The following PSD3 variants were observed in gnomAD, a reference collection of about 807,000 sequenced individuals.
PSD3 encodes PH and SEC7 domain-containing protein 3.
A neutral mutation model predicts 105.5 loss-of-function variants in PSD3; 49 were observed. That is an observed-to-expected ratio of 0.46 (90% confidence interval 0.37 to 0.59). PSD3 has a LOEUF of 0.59. PSD3 is among the 20% of genes least tolerant of loss of function. The pLI is 0.00. For missense variants in PSD3, 1,561 were observed against 1,263.8 expected (o/e 1.24, Z -3.57); for synonymous variants, 557 against 457.8 (o/e 1.22, Z -2.77).
Position 18,848,888 on chromosome 8 carries a change from G to GT in PSD3, c.1634+18785dup, listed in dbSNP as rs560475262. ...CTACATTTCAAGCGGATACTTCTTG[G>GT]TTCCCTCATGTTTAAGCTTTTAAGA... On this transcript the variant is annotated intron_variant, in intron 4 of 15. Coordinates refer to ENST00000327040, the MANE Select transcript of PSD3 (RefSeq NM_015310.4). Among the ~76,000 whole-genome samples, 140 of 152,282 alleles carry GT rather than the reference G, an allele frequency of 9.2e-4. 1 individual carries two copies. Among genetic ancestry groups the GT allele is most frequent in the African/African-American group, 3.2e-3 (132 of 41,572 alleles).
At chr8:18,592,353 G>T (rs992656529) in intron 12 of PSD3, among the ~76,000 whole-genome samples, 1 of 152,008 alleles carries the variant, frequency 6.6e-6, no homozygotes, top group African/African-American at 2.4e-5. Context: ...AAATAAGAAT[G>T]AAAAAGAGTT....
intron 9 of PSD3, among the ~76,000 whole-genome samples, chr8:18,682,110 G>A (rs1162131709): frequency 6.6e-6 from 1 of 151,984 alleles, no homozygotes; most frequent in African/African-American, 2.4e-5. Context: ...ATCTTTTCAT[G>A]TGGTATCTAT....
At chr8:18,813,372 T>A (rs1244241673) in intron 4 of PSD3, among the ~76,000 whole-genome samples, 1 of 152,148 alleles carries the variant, frequency 6.6e-6, no homozygotes, top group Non-Finnish European at 1.5e-5. Context: ...GGCAGAGCTG[T>A]CTGGTAGCAA....
chr8:19,079,106 C>G (rs1829558890), intron 1 of PSD3, among the ~76,000 whole-genome samples: 4 of 152,078 alleles, frequency 2.6e-5, no homozygotes, highest in East Asian at 3.9e-4. Context: ...CCACAGGACT[C>G]CTGTGTGTGA....
At chr8:19,075,697 C>G (rs1829444172) in intron 1 of PSD3, among the ~76,000 whole-genome samples, 1 of 152,158 alleles carries the variant, frequency 6.6e-6, no homozygotes, top group Non-Finnish European at 1.5e-5. Context: ...AGTAATTACC[C>G]CATTGTAGGC....
At chr8:19,042,132 T>C (rs1046548143) in intron 1 of PSD3, among the ~76,000 whole-genome samples, 2 of 152,178 alleles carry the variant, frequency 1.3e-5, no homozygotes, top group Admixed American at 6.5e-5. Flanking sequence ...TGAATGAACA[T>C]GTGGCTTTTA....
At chr8:19,017,894 TTA>T (rs1414324753), upstream of PSD3, among the ~76,000 whole-genome samples, 1 of 152,254 alleles carries the variant, frequency 6.6e-6, no homozygotes, top group Admixed American at 6.5e-5. Context: ...CATGTAGCTG[TTA>T]TGTTTCCATT....
intron 9 of PSD3, among the ~76,000 whole-genome samples, chr8:18,656,370 T>TTC (rs397739858): frequency 1.3e-5 from 2 of 151,682 alleles, no homozygotes; most frequent in African/African-American, 2.4e-5. Context: ...TTTTTTTTTT[T>TTC]CGTTAATGAA....
intron 2 of PSD3, among the ~76,000 whole-genome samples, chr8:18,932,733 A>G (rs1369189419): frequency 6.6e-6 from 1 of 152,200 alleles, no homozygotes; most frequent in Non-Finnish European, 1.5e-5. Context: ...CCTTTTCTAA[A>G]TGGTAATCTT....
intron 1 of PSD3, among the ~76,000 whole-genome samples, chr8:18,998,900 AC>A (rs1826224899): frequency 6.6e-6 from 1 of 151,908 alleles, no homozygotes; most frequent in Non-Finnish European, 1.5e-5. Flanking sequence ...ACAGAAAAAA[AC>A]GTTTTTGTTA....
At chr8:18,862,171 T>A (rs1816502741) in intron 4 of PSD3, among the ~76,000 whole-genome samples, 1 of 152,162 alleles carries the variant, frequency 6.6e-6, no homozygotes, top group South Asian at 2.1e-4. Flanking sequence ...TTTTGTTCCA[T>A]CTGATTAATC....
intron 1 of PSD3, among the ~76,000 whole-genome samples, chr8:19,018,917 C>A (rs1586634659): frequency 6.6e-6 from 1 of 152,282 alleles, no homozygotes; most frequent in Middle Eastern, 3.4e-3. Flanking sequence ...CTGCCTCAGC[C>A]TCCTGAGTAG....
rs957783128 is a variant in PSD3 at position 18,736,819 on chromosome 8, T to G, written c.2172+28630A>C. On this transcript the variant is annotated intron_variant, in intron 9 of 15. Coordinates refer to ENST00000327040, the MANE Select transcript of PSD3 (RefSeq NM_015310.4). ...TAAATCAGTAATTAGACTTATTATTTGTTTTTCCAAAGGTAAATTTGGCTG... is the reference window on the plus strand; with the variant it reads ...TAAATCAGTAATTAGACTTATTATTGGTTTTTCCAAAGGTAAATTTGGCTG... Among the ~76,000 whole-genome samples the G allele has an allele frequency of 2.6e-5, 4 of 152,244 alleles. No homozygotes were observed. The East Asian group carries it at 7.7e-4, about 29-fold the overall frequency.
intron 4 of PSD3, among the ~76,000 whole-genome samples, chr8:18,814,300 T>C (rs139754666): frequency 1.1e-3 from 173 of 152,292 alleles, no homozygotes; most frequent in African/African-American, 3.9e-3. Flanking sequence ...TCAGCCTTGC[T>C]TTCACTATTC....
At chr8:18,604,893 A>C (rs1825975) in intron 11 of PSD3, among the ~76,000 whole-genome samples, 110,379 of 152,198 alleles carry the variant, frequency 0.73, 40,244 homozygotes, top group East Asian at 0.82. Context: ...TGTGGCTACA[A>C]AGAGGACAAG....
chr8:18,600,589 CA>C (rs1459027419), intron 11 of PSD3, among the ~76,000 whole-genome samples, 155 bp from the exon 12 acceptor site: 4 of 152,116 alleles, frequency 2.6e-5, no homozygotes, highest in African/African-American at 9.7e-5. Flanking sequence ...TATGGTGTAC[CA>C]GGCGGCATTC....
chr8:18,713,263 C>G (rs746408041), intron 9 of PSD3, among the ~76,000 whole-genome samples: 1 of 152,062 alleles, frequency 6.6e-6, no homozygotes, highest in African/African-American at 2.4e-5. Flanking sequence ...GTATTCAACA[C>G]AGTATTAGAC....
At chr8:18,618,627 A>G (rs1458967310) in intron 11 of PSD3, among the ~76,000 whole-genome samples, 1 of 140,872 alleles carries the variant, frequency 7.1e-6, no homozygotes. Flanking sequence ...AGTGTACTAC[A>G]CACCATAACA....
chr8:18,735,996 A>G (rs911822010), intron 9 of PSD3, among the ~76,000 whole-genome samples: 2 of 152,216 alleles, frequency 1.3e-5, no homozygotes, highest in African/African-American at 4.8e-5. Flanking sequence ...ATATCTAACT[A>G]CAAAAAACAA....
Sources: allele counts gnomAD v4.1 joint callset (sites outside exome capture counted in the v4.1 genomes callset), GRCh38; gene constraint gnomAD v4.1.1; transcripts MANE v1.5; gene names NCBI Gene and HGNC (gene_info 2026-07-23, HGNC 2026-07-21).